DCLK1: variants seen among roughly 807,000 people sequenced by gnomAD.
DCLK1 encodes the protein doublecortin like kinase 1, also known as serine/threonine-protein kinase DCLK1.
In DCLK1, 16 loss-of-function variants were observed where a neutral mutation model predicts 86.2. The ratio of observed to expected loss-of-function variants is 0.19; its 90% CI spans 0.13 to 0.28. The LOEUF is 0.28. Among genes scored for constraint, DCLK1 ranks in the 10% least tolerant of loss-of-function variants. The pLI is 1.00. For synonymous variants in DCLK1, 369 were observed against 370.5 expected (o/e 1.00, Z 0.05); for missense variants, 590 against 940.2 (o/e 0.63, Z 4.87).
At chr13:35,970,210 G>T (rs752562860) in intron 3 of DCLK1, among the ~76,000 whole-genome samples, 1 of 152,096 alleles carries the variant, frequency 6.6e-6, no homozygotes, top group African/African-American at 2.4e-5. Flanking sequence ...AACAATTAAA[G>T]AATTGTTTTC....
At chr13:35,850,486 G>C in intron 6 of DCLK1, 1 of 1,185,654 alleles carries the variant, frequency 8.4e-7, no homozygotes, top group Non-Finnish European at 1.0e-6. Flanking sequence ...TCAGCATTTT[G>C]TGTTCAAACT....
intron 3 of DCLK1, among the ~76,000 whole-genome samples, chr13:36,059,868 CTTTTT>C (rs57867541): frequency 1.4e-5 from 2 of 140,346 alleles, no homozygotes; most frequent in East Asian, 4.2e-4. Context: ...ACTTAAATCT[CTTTTT>C]TTTTTTTTTT....
At chr13:35,846,767 T>C in intron 6 of DCLK1, 4 of 985,304 alleles carry the variant, frequency 4.1e-6, no homozygotes, top group Non-Finnish European at 4.8e-6. Flanking sequence ...CAAATATGCA[T>C]AAATGAGCAA....
chr13:35,968,406 G>A (rs988399353), intron 3 of DCLK1, among the ~76,000 whole-genome samples: 17 of 152,180 alleles, frequency 1.1e-4, no homozygotes, highest in African/African-American at 4.1e-4. Flanking sequence ...ACCTGTTTGG[G>A]CTTTGGGCTC....
chr13:35,790,360 G>A (rs749112849), intron 16 of DCLK1, among the ~76,000 whole-genome samples: 2 of 152,090 alleles, frequency 1.3e-5, no homozygotes, highest in African/African-American at 2.4e-5. Context: ...GTGATCTCCA[G>A]CAGGTAGTTA....
intron 4 of DCLK1, among the ~76,000 whole-genome samples, chr13:35,919,044 G>C (rs1267425474): frequency 6.6e-6 from 1 of 151,758 alleles, no homozygotes; most frequent in Non-Finnish European, 1.5e-5. Flanking sequence ...TGTGGTTACA[G>C]GCATGCGCCA....
chr13:36,018,008 C>T (rs977407055), intron 3 of DCLK1, among the ~76,000 whole-genome samples: 1 of 152,184 alleles, frequency 6.6e-6, no homozygotes, highest in African/African-American at 2.4e-5. Context: ...CTGCTAATAA[C>T]ATCACTCAGT....
chr13:35,909,288 C>T (rs976310888), intron 4 of DCLK1, among the ~76,000 whole-genome samples: 1 of 152,214 alleles, frequency 6.6e-6, no homozygotes, highest in Non-Finnish European at 1.5e-5. Context: ...TCCTCTCCAC[C>T]TTGTCTTTCT....
At position 36,075,299 on chromosome 13, in the gene DCLK1, T is replaced by C. The variant is rs1402307786; in HGVS notation, c.723+36570A>G. Among the ~76,000 whole-genome samples the C allele has an allele frequency of 2.0e-5, 3 of 152,244 alleles. No homozygotes were observed. In the East Asian group the frequency reaches 5.8e-4, roughly 29 times the overall value. On this transcript the variant is annotated intron_variant, in intron 3 of 16. Coordinates refer to ENST00000360631, the MANE Select transcript of DCLK1 (RefSeq NM_001330071.2). ...AGTAGATATATTTGCCAGGCTCTTTTCCATTAGTTCTGATACATAATTACT... is the reference window on the plus strand; with the variant it reads ...AGTAGATATATTTGCCAGGCTCTTTCCCATTAGTTCTGATACATAATTACT...
intron 3 of DCLK1, among the ~76,000 whole-genome samples, chr13:35,997,166 A>G (rs1399517353): frequency 6.6e-6 from 1 of 152,230 alleles, no homozygotes; most frequent in Admixed American, 6.5e-5. Context: ...ATCCATACAC[A>G]AATGCAAAGC....
At chr13:35,792,987 C>T (rs763569923) in intron 16 of DCLK1, among the ~76,000 whole-genome samples, 2 of 152,248 alleles carry the variant, frequency 1.3e-5, no homozygotes, top group Non-Finnish European at 2.9e-5. Context: ...CCTGCAATGT[C>T]GTCTCTCTCA....
At chr13:35,785,089 CT>C (rs1177812094) in intron 16 of DCLK1, among the ~76,000 whole-genome samples, 1 of 152,162 alleles carries the variant, frequency 6.6e-6, no homozygotes, top group Non-Finnish European at 1.5e-5. Flanking sequence ...CCCTTTTGTC[CT>C]AGCTCACCTC....
In DCLK1 at chr13:35,901,412, C is replaced by T. The variant is rs145631662; in HGVS notation, c.824-30072G>A. Among the ~76,000 whole-genome samples, 709 of 144,306 alleles carry T rather than the reference C, an allele frequency of 4.9e-3. 6 individuals are homozygous for T. Among genetic ancestry groups the T allele is most frequent in the African/African-American group, 0.017 (681 of 38,986 alleles). The allele number at this position is 144,306 out of a possible 152,430, so 94.7% of individuals were successfully genotyped here. The stretch of plus-strand genomic sequence containing the variant: ...GGCAGAGACAGGAGAATTGCTTGAA[C>T]CCAGGAGATGGAGGTTGCAGCGAGC... On this transcript the variant is annotated intron_variant, in intron 4 of 16. Transcript: ENST00000360631.
intron 10 of DCLK1, among the ~76,000 whole-genome samples, chr13:35,823,578 C>T (rs2087447916): frequency 6.6e-6 from 1 of 152,068 alleles, no homozygotes; most frequent in Non-Finnish European, 1.5e-5. Flanking sequence ...ACTTTTGTTT[C>T]CTTTGCTCCT....
chr13:35,964,248 C>T (rs1425317931), intron 3 of DCLK1, among the ~76,000 whole-genome samples: 2 of 152,056 alleles, frequency 1.3e-5, no homozygotes, highest in Admixed American at 1.3e-4. Context: ...GAATTAAAGA[C>T]ATTCAAAAGG....
chr13:35,819,105 A>G (rs929828732), intron 11 of DCLK1, among the ~76,000 whole-genome samples: 12 of 152,150 alleles, frequency 7.9e-5, no homozygotes, highest in Admixed American at 2.0e-4. Context: ...TGTCCATACA[A>G]TTATTAAGTA....
At chr13:36,007,260 C>T (rs1881019036) in intron 3 of DCLK1, among the ~76,000 whole-genome samples, 1 of 152,132 alleles carries the variant, frequency 6.6e-6, no homozygotes, top group Admixed American at 6.6e-5. Flanking sequence ...TCCATGAATA[C>T]CAATAGTGCC....
intron 3 of DCLK1, among the ~76,000 whole-genome samples, chr13:36,053,153 G>T (rs1409022817): frequency 6.6e-6 from 1 of 152,104 alleles, no homozygotes; most frequent in African/African-American, 2.4e-5. Context: ...TATATTTAAG[G>T]CTGCCTGATC....
At chr13:35,949,432 G>C (rs940632603) in intron 3 of DCLK1, among the ~76,000 whole-genome samples, 5 of 152,178 alleles carry the variant, frequency 3.3e-5, no homozygotes, top group African/African-American at 7.2e-5. Context: ...AGGAAAGACA[G>C]AACAGTTATC....
Sources: allele counts gnomAD v4.1 joint callset (sites outside exome capture counted in the v4.1 genomes callset), GRCh38; gene constraint gnomAD v4.1.1; transcripts MANE v1.5; gene names NCBI Gene and HGNC (gene_info 2026-07-23, HGNC 2026-07-21).